The following SLC35F1 variants were observed in gnomAD, a reference collection of about 807,000 sequenced individuals.
SLC35F1 encodes the protein chromosome 6 open reading frame 169.
Under a neutral mutation model 48.7 loss-of-function variants are expected in SLC35F1, and 14 were observed. The ratio of observed to expected loss-of-function variants is 0.29; its 90% CI spans 0.19 to 0.45. The LOEUF (loss-of-function observed/expected upper bound fraction) is 0.45, where lower values mean the gene tolerates loss of function less well. Ranked by LOEUF, SLC35F1 falls within the 20% of genes least tolerant of loss-of-function variation. The pLI is 1.00. For synonymous variants in SLC35F1, 190 were observed against 202.2 expected (o/e 0.94, Z 0.51); for missense variants, 404 against 500.0 (o/e 0.81, Z 1.83).
chr6:118,089,201 C>G (rs1773036619), intron 1 of SLC35F1, among the ~76,000 whole-genome samples: 1 of 152,048 alleles, frequency 6.6e-6, no homozygotes, highest in South Asian at 2.1e-4. Flanking sequence ...TTATAATTTA[C>G]TAATATGCGG....
chr6:118,134,747 C>T (rs1220170566), intron 1 of SLC35F1, among the ~76,000 whole-genome samples: 1 of 152,062 alleles, frequency 6.6e-6, no homozygotes, highest in African/African-American at 2.4e-5. Flanking sequence ...AAAGAAAAGC[C>T]CTCCAAGACA....
intron 1 of SLC35F1, among the ~76,000 whole-genome samples, chr6:118,026,048 C>A (rs778315310): frequency 6.6e-6 from 1 of 152,072 alleles, no homozygotes; most frequent in Non-Finnish European, 1.5e-5. Context: ...TGATTCACAC[C>A]GTCTCCAGCC....
At chr6:118,019,955 C>G (rs1394340996) in intron 1 of SLC35F1, among the ~76,000 whole-genome samples, 2 of 152,118 alleles carry the variant, frequency 1.3e-5, no homozygotes, top group African/African-American at 4.8e-5. Flanking sequence ...AGATTGAACC[C>G]CTTGGTCAAT....
chr6:118,046,679 G>A (rs1772306558), intron 1 of SLC35F1, among the ~76,000 whole-genome samples: 1 of 152,086 alleles, frequency 6.6e-6, no homozygotes, highest in African/African-American at 2.4e-5. Context: ...TAGTGTCTGG[G>A]ATATTGCAAG....
chr6:117,946,455 A>G (rs1234913693), intron 1 of SLC35F1, among the ~76,000 whole-genome samples: 1 of 152,178 alleles, frequency 6.6e-6, no homozygotes, highest in African/African-American at 2.4e-5. Flanking sequence ...AGAGGTCCTA[A>G]GGGCTGGAGC....
At chr6:118,109,400 C>T (rs551967632) in intron 1 of SLC35F1, among the ~76,000 whole-genome samples, 325 of 152,242 alleles carry the variant, frequency 2.1e-3, no homozygotes, top group Non-Finnish European at 3.3e-3. Context: ...CCTTAATCAC[C>T]CTTGCCTTTA....
intron 1 of SLC35F1, among the ~76,000 whole-genome samples, chr6:118,109,110 G>A (rs997436311): frequency 1.7e-4 from 26 of 152,238 alleles, no homozygotes; most frequent in Admixed American, 1.4e-3. Context: ...CATAGTAGAG[G>A]AAAGATGAAA....
At chr6:118,025,963 A>G (rs574213520) in intron 1 of SLC35F1, among the ~76,000 whole-genome samples, 23 of 152,322 alleles carry the variant, frequency 1.5e-4, no homozygotes, top group African/African-American at 5.1e-4. Flanking sequence ...AGCAAATTTA[A>G]TATTCATTCA....
At chr6:118,039,542 G>C (rs962951377) in intron 1 of SLC35F1, among the ~76,000 whole-genome samples, 24 of 151,000 alleles carry the variant, frequency 1.6e-4, no homozygotes, top group Non-Finnish European at 3.0e-4. Flanking sequence ...TTTTCATTTT[G>C]TTTTCTTTCT....
intron 1 of SLC35F1, among the ~76,000 whole-genome samples, chr6:117,929,213 C>T (rs973443277): frequency 2.6e-5 from 4 of 151,994 alleles, no homozygotes; most frequent in African/African-American, 4.8e-5. Context: ...TTTAGTTTGT[C>T]GAGGAGATGG....
At chr6:118,192,757 C>T in intron 2 of SLC35F1, among the ~76,000 whole-genome samples, 1 of 152,112 alleles carries the variant, frequency 6.6e-6, no homozygotes, top group South Asian at 2.1e-4. Flanking sequence ...TTTGACAATG[C>T]TTCCCTTATA....
intron 7 of SLC35F1, among the ~76,000 whole-genome samples, chr6:118,300,310 C>CTA (rs946710209): frequency 8.5e-5 from 13 of 152,140 alleles, no homozygotes; most frequent in Admixed American, 6.5e-4. Context: ...TATGCAAATA[C>CTA]TACACCATGT....
At chr6:118,147,922 T>A (rs1231839805) in intron 1 of SLC35F1, among the ~76,000 whole-genome samples, 4 of 152,158 alleles carry the variant, frequency 2.6e-5, no homozygotes, top group Non-Finnish European at 5.9e-5. Flanking sequence ...TTTCTGGAGG[T>A]GTATATTTTC....
At chr6:118,242,389 A>C (rs1228756280) in intron 3 of SLC35F1, among the ~76,000 whole-genome samples, 1 of 152,168 alleles carries the variant, frequency 6.6e-6, no homozygotes, top group Non-Finnish European at 1.5e-5. Flanking sequence ...TAAAAAAGTT[A>C]ACACTGGCAA....
At chr6:118,134,536 A>G (rs1773764473) in intron 1 of SLC35F1, among the ~76,000 whole-genome samples, 1 of 152,214 alleles carries the variant, frequency 6.6e-6, no homozygotes, top group Non-Finnish European at 1.5e-5. Context: ...GAGTCCTAGA[A>G]TAACACCATG....
In SLC35F1 at chr6:117,932,266, TA is replaced by T. The variant is rs541707348; in HGVS notation, c.173+24370del. 2.6e-4 allele frequency among the ~76,000 whole-genome samples: 39 copies of T among 152,358 alleles called. No individual in the cohort carries two copies. In the South Asian group the frequency reaches 6.4e-3, roughly 25 times the overall value. ...GTGAGAAATACATTTCTACTATTTA[TA>T]AATACTCAGAATATGGTATTTTGTT... On this transcript the variant is annotated intron_variant, in intron 1 of 7. Transcript: ENST00000360388.
chr6:118,151,755 G>A (rs1324325931), intron 1 of SLC35F1, among the ~76,000 whole-genome samples: 1 of 152,148 alleles, frequency 6.6e-6, no homozygotes, highest in Non-Finnish European at 1.5e-5. Context: ...GGATTCAAGT[G>A]ATCTTCCTGC....
intron 1 of SLC35F1, among the ~76,000 whole-genome samples, chr6:118,013,544 G>A (rs1355647464): frequency 3.3e-5 from 5 of 152,194 alleles, no homozygotes; most frequent in African/African-American, 1.2e-4. Flanking sequence ...GAATAGGAAA[G>A]TGCATTTCTC....
At position 118,057,322 on chromosome 6, in the gene SLC35F1, C is replaced by T. The variant is rs546204184; in HGVS notation, c.174-97123C>T. On this transcript the variant is annotated intron_variant, in intron 1 of 7. Coordinates refer to ENST00000360388, the MANE Select transcript of SLC35F1 (RefSeq NM_001029858.4). ...AAATTAGATGGAAGTGCTGCACGGGCAAGGGATCCTACTTGGGCAGATATA... is the reference window on the plus strand; with the variant it reads ...AAATTAGATGGAAGTGCTGCACGGGTAAGGGATCCTACTTGGGCAGATATA... Among the ~76,000 whole-genome samples, 20 of 152,230 alleles carry T rather than the reference C, an allele frequency of 1.3e-4. No homozygotes were observed. In the South Asian group the frequency reaches 3.9e-3, roughly 30 times the overall value.
Sources: allele counts gnomAD v4.1 joint callset (sites outside exome capture counted in the v4.1 genomes callset), GRCh38; gene constraint gnomAD v4.1.1; transcripts MANE v1.5; gene names NCBI Gene and HGNC (gene_info 2026-07-23, HGNC 2026-07-21).